DENND1A: variants seen among roughly 807,000 people sequenced by gnomAD.
DENND1A encodes the protein DENN domain containing 1A.
DENND1A carries 51 observed loss-of-function variants against 113.7 expected under a neutral mutation model. The ratio of observed to expected loss-of-function variants is 0.45; its 90% confidence interval spans 0.36 to 0.57. The LOEUF (loss-of-function observed/expected upper bound fraction) is 0.57, where lower values mean the gene tolerates loss of function less well. Among genes scored for constraint, DENND1A ranks in the 20% least tolerant of loss-of-function variants. DENND1A has a pLI of 0.00. For missense variants in DENND1A, 1,258 were observed against 1,395.9 expected (o/e 0.90, Z 1.57); for synonymous variants, 565 against 570.8 (o/e 0.99, Z 0.14).
intron 2 of DENND1A, among the ~76,000 whole-genome samples, chr9:123,864,600 A>G (rs1322941519): frequency 6.6e-6 from 1 of 152,178 alleles, no homozygotes; most frequent in African/African-American, 2.4e-5. Context: ...TTTTCGTCCT[A>G]AGCACGTCTG....
chr9:123,921,107 G>GTAA (rs1856171480), intron 1 of DENND1A, among the ~76,000 whole-genome samples: 1 of 152,088 alleles, frequency 6.6e-6, no homozygotes, highest in South Asian at 2.1e-4. Flanking sequence ...AAAAAAAACT[G>GTAA]TAATACTATA....
At chr9:123,441,273 C>T (rs896377721) in intron 18 of DENND1A, among the ~76,000 whole-genome samples, 6 of 152,134 alleles carry the variant, frequency 3.9e-5, no homozygotes, top group Non-Finnish European at 4.4e-5. Context: ...TGACTTGTTG[C>T]TTTAATTTGC....
At chr9:123,555,866 T>C (rs1472767363) in intron 13 of DENND1A, among the ~76,000 whole-genome samples, 6 of 152,194 alleles carry the variant, frequency 3.9e-5, no homozygotes, top group African/African-American at 1.4e-4. Flanking sequence ...GGATTCCAGA[T>C]GCACACAGGC....
At chr9:123,618,061 G>A (rs1044278356) in intron 10 of DENND1A, among the ~76,000 whole-genome samples, 1 of 152,182 alleles carries the variant, frequency 6.6e-6, no homozygotes, top group Non-Finnish European at 1.5e-5. Context: ...CATTCATCAC[G>A]TTTTAAAGGG....
chr9:123,646,025 G>A (rs2062303316), intron 9 of DENND1A, among the ~76,000 whole-genome samples: 1 of 152,212 alleles, frequency 6.6e-6, no homozygotes, highest in Non-Finnish European at 1.5e-5. Context: ...GCACAGCAGT[G>A]AAGGAAACGG....
chr9:123,504,808 G>A (rs1375613965), intron 13 of DENND1A, among the ~76,000 whole-genome samples: 5 of 152,194 alleles, frequency 3.3e-5, no homozygotes, highest in African/African-American at 1.2e-4. Context: ...GGGGCATGGA[G>A]GTGACCAATC....
intron 2 of DENND1A, among the ~76,000 whole-genome samples, chr9:123,813,558 A>G (rs1836980404): frequency 6.6e-6 from 1 of 152,154 alleles, no homozygotes; most frequent in Non-Finnish European, 1.5e-5. Context: ...TAATACTTAA[A>G]TATGACAAGT....
At chr9:123,682,925 G>C (rs765093901) in intron 5 of DENND1A, among the ~76,000 whole-genome samples, 1 of 152,084 alleles carries the variant, frequency 6.6e-6, no homozygotes, top group Admixed American at 6.5e-5. Context: ...AACCAGAATG[G>C]GCAGGAAAAC....
intron 13 of DENND1A, among the ~76,000 whole-genome samples, chr9:123,488,987 C>T (rs766900124): frequency 1.3e-5 from 2 of 152,098 alleles, no homozygotes; most frequent in Non-Finnish European, 2.9e-5. Flanking sequence ...TTTCCTATAG[C>T]GAAGGCTTCA....
chr9:123,427,872 T>G (rs1275276462), intron 19 of DENND1A, among the ~76,000 whole-genome samples: 2 of 152,122 alleles, frequency 1.3e-5, no homozygotes, highest in South Asian at 4.1e-4. Flanking sequence ...TGCGTGGGAG[T>G]TACTAGGAAG....
At chr9:123,567,617 G>A (rs1405541823) in intron 12 of DENND1A, among the ~76,000 whole-genome samples, 1 of 152,216 alleles carries the variant, frequency 6.6e-6, no homozygotes, top group Non-Finnish European at 1.5e-5. Flanking sequence ...CTTTCTTCAT[G>A]AGCAAAAGCC....
chr9:123,789,304 C>T lies in DENND1A; in HGVS notation c.132+3283G>A, dbSNP rs978707195. ...CACTTTGTCAGTAATTACAATCAGGCTGCTCATTACTTCTTCCTTCTGTAT... is the reference window on the plus strand; with the variant it reads ...CACTTTGTCAGTAATTACAATCAGGTTGCTCATTACTTCTTCCTTCTGTAT... On this transcript the variant is annotated intron_variant, in intron 3 of 23. Coordinates refer to ENST00000394215, the MANE Select transcript of DENND1A (RefSeq NM_001352964.2). Among the ~76,000 whole-genome samples, 11 of 152,164 alleles carry T rather than the reference C, an allele frequency of 7.2e-5. No individual in the cohort carries two copies. The East Asian group carries it at 2.1e-3, about 29-fold the overall frequency.
chr9:123,691,110 A>C lies in DENND1A; in HGVS notation c.303-14321T>G, dbSNP rs1372736022. On this transcript the variant is annotated intron_variant, in intron 5 of 23. Transcript: ENST00000394215. Reference sequence around the variant, plus strand: ...GAGAGGGAATAAATGGGGGGGTCAGAAGCTATTTTTTCCCTGTTAGATTTT... The same window carrying C: ...GAGAGGGAATAAATGGGGGGGTCAGCAGCTATTTTTTCCCTGTTAGATTTT... 3.3e-5 allele frequency among the ~76,000 whole-genome samples: 5 copies of C among 152,182 alleles called. No homozygotes were observed. In the East Asian group the frequency reaches 7.7e-4, roughly 23 times the overall value.
At chr9:123,549,001 C>T (rs1043639130) in intron 13 of DENND1A, among the ~76,000 whole-genome samples, 2 of 152,194 alleles carry the variant, frequency 1.3e-5, no homozygotes, top group African/African-American at 4.8e-5. Flanking sequence ...GATGGTTGCA[C>T]ATTGTGAATG....
At chr9:123,596,932 A>T (rs1435052429) in intron 11 of DENND1A, among the ~76,000 whole-genome samples, 1 of 152,238 alleles carries the variant, frequency 6.6e-6, no homozygotes, top group Non-Finnish European at 1.5e-5. Context: ...GCATTATGAA[A>T]ATTAAATAAT....
At chr9:123,591,099 A>AG (rs1285320933) in intron 11 of DENND1A, among the ~76,000 whole-genome samples, 2 of 152,134 alleles carry the variant, frequency 1.3e-5, no homozygotes, top group Non-Finnish European at 2.9e-5. Context: ...TATACAAAGG[A>AG]GGGGGTCTGT....
intron 2 of DENND1A, among the ~76,000 whole-genome samples, chr9:123,824,016 G>A (rs756358153): frequency 1.1e-4 from 17 of 152,152 alleles, no homozygotes; most frequent in Non-Finnish European, 5.9e-5. Context: ...ATAAACATCA[G>A]AACTGAAATC....
At chr9:123,772,059 G>T in intron 3 of DENND1A, among the ~76,000 whole-genome samples, 1 of 152,060 alleles carries the variant, frequency 6.6e-6, no homozygotes, top group Non-Finnish European at 1.5e-5. Flanking sequence ...ACATATTATC[G>T]CAATTGGAAC....
At chr9:123,693,608 T>C (rs2065309373) in intron 5 of DENND1A, among the ~76,000 whole-genome samples, 1 of 152,030 alleles carries the variant, frequency 6.6e-6, no homozygotes, top group African/African-American at 2.4e-5. Flanking sequence ...AGCTACACTG[T>C]ATATTTTAGC....
Sources: gnomAD v4.1 joint callset for allele counts (sites outside exome capture counted in the v4.1 genomes callset) on GRCh38, gnomAD v4.1.1 for gene constraint, MANE v1.5 for transcripts, NCBI Gene and HGNC (gene_info 2026-07-23, HGNC 2026-07-21) for gene names.